The following ABTB3 variants were observed in gnomAD, a reference collection of about 807,000 sequenced individuals.
ABTB3 encodes the protein ankyrin repeat- and BTB/POZ domain-containing protein 3.
At chr12:107,637,517 G>T in the ABTB3 span, among the ~76,000 whole-genome samples, 1 of 152,134 alleles carries the variant, frequency 6.6e-6, no homozygotes, top group Admixed American at 6.5e-5. Flanking sequence ...TGATATAAAA[G>T]AAAAAGCATC....
At chr12:107,601,532 C>T in the ABTB3 span, among the ~76,000 whole-genome samples, 6 of 152,268 alleles carry the variant, frequency 3.9e-5, no homozygotes, top group Admixed American at 6.5e-5. Context: ...ATGAGGAATC[C>T]CTTTGGAAGC....
chr12:107,642,045 T>G, the ABTB3 span: 1 of 1,562,236 alleles, frequency 6.4e-7, no homozygotes, highest in Non-Finnish European at 8.8e-7. Flanking sequence ...GAGCCATGGA[T>G]TTGTGTGTGA....
the ABTB3 span, among the ~76,000 whole-genome samples, chr12:107,362,404 G>T: frequency 6.6e-6 from 1 of 152,206 alleles, no homozygotes; most frequent in Non-Finnish European, 1.5e-5. Context: ...CAGGGAAGAC[G>T]TAAGGGGCTA....
At chr12:107,543,719 T>C in the ABTB3 span, among the ~76,000 whole-genome samples, 23,624 of 151,898 alleles carry the variant, frequency 0.16, 2,205 homozygotes, top group Admixed American at 0.25. Flanking sequence ...TTAGCCGCCC[T>C]CTGTGCTTGA....
chr12:107,374,325 C>G, the ABTB3 span, among the ~76,000 whole-genome samples: 1 of 152,208 alleles, frequency 6.6e-6, no homozygotes, highest in South Asian at 2.1e-4. Context: ...CCCTAGTTGT[C>G]TAACCTACAT....
the ABTB3 span, among the ~76,000 whole-genome samples, chr12:107,579,306 A>C: frequency 1.3e-5 from 2 of 152,212 alleles, no homozygotes; most frequent in Non-Finnish European, 2.9e-5. Flanking sequence ...AACAGAGTGC[A>C]TGCTACGAAG....
the ABTB3 span, among the ~76,000 whole-genome samples, chr12:107,601,375 G>A: frequency 6.6e-6 from 1 of 152,234 alleles, no homozygotes; most frequent in Non-Finnish European, 1.5e-5. Context: ...TCCCAAGAGA[G>A]GATCCATTGA....
chr12:107,321,044 G>C, the ABTB3 span, among the ~76,000 whole-genome samples: 2 of 152,350 alleles, frequency 1.3e-5, no homozygotes, highest in Non-Finnish European at 1.5e-5. Context: ...GGTGCTGCCC[G>C]TCTGCGAAAG....
chr12:107,652,584 C>A, the ABTB3 span, among the ~76,000 whole-genome samples: 3 of 152,332 alleles, frequency 2.0e-5, no homozygotes, highest in African/African-American at 7.2e-5. Context: ...ATTAGAATCA[C>A]CTGGGGGAGC....
the ABTB3 span, among the ~76,000 whole-genome samples, chr12:107,648,896 G>A: frequency 2.5e-4 from 37 of 150,236 alleles, no homozygotes; most frequent in South Asian, 2.8e-3. Flanking sequence ...TGGAAAAGCC[G>A]TCATGAGGAG....
At chr12:107,640,393 G>A in the ABTB3 span, 3 of 1,586,676 alleles carry the variant, frequency 1.9e-6, no homozygotes, top group Admixed American at 3.4e-5. Context: ...ACAAAGTGCT[G>A]TTATTTACAG....
At chr12:107,319,561 C>A in the ABTB3 span, 1 of 1,544,148 alleles carries the variant, frequency 6.5e-7, no homozygotes, top group Non-Finnish European at 8.7e-7. Flanking sequence ...CGGCCCGCTG[C>A]GGCCTCACCT....
At chr12:107,581,174 C>T in the ABTB3 span, 1 of 1,536,080 alleles carries the variant, frequency 6.5e-7, no homozygotes, top group Non-Finnish European at 8.8e-7. Flanking sequence ...GCTGCCGCCG[C>T]TGATGGAGTG....
At chr12:107,444,764 G>A in the ABTB3 span, among the ~76,000 whole-genome samples, 3 of 152,172 alleles carry the variant, frequency 2.0e-5, no homozygotes, top group African/African-American at 7.2e-5. Flanking sequence ...TTGGATAAAA[G>A]GGAGATTTTA....
the ABTB3 span, among the ~76,000 whole-genome samples, chr12:107,334,240 G>A: frequency 1.2e-4 from 19 of 152,168 alleles, no homozygotes; most frequent in African/African-American, 3.6e-4. Flanking sequence ...GAACAAGAGT[G>A]CAGGCAGGGA....
chr12:107,585,108 C>G, the ABTB3 span, among the ~76,000 whole-genome samples: 2 of 152,090 alleles, frequency 1.3e-5, no homozygotes, highest in African/African-American at 4.8e-5. Context: ...AGAGTAAATA[C>G]TGTCATTTTC....
chr12:107,536,671 A>G, the ABTB3 span, among the ~76,000 whole-genome samples: 1 of 152,184 alleles, frequency 6.6e-6, no homozygotes, highest in Non-Finnish European at 1.5e-5. Flanking sequence ...GCAAATCAAA[A>G]CCACACTGAG....
chr12:107,626,016 G>A, the ABTB3 span, among the ~76,000 whole-genome samples: 7 of 152,126 alleles, frequency 4.6e-5, no homozygotes, highest in Admixed American at 3.3e-4. Context: ...CCTTTGGCTA[G>A]ATACAGCAGG....
At chr12:107,484,619 A>G in the ABTB3 span, among the ~76,000 whole-genome samples, 1 of 150,782 alleles carries the variant, frequency 6.6e-6, no homozygotes, top group South Asian at 2.1e-4. Flanking sequence ...TTTTAATAGA[A>G]TCACTCTGGT....
Sources: allele counts gnomAD v4.1 joint callset (sites outside exome capture counted in the v4.1 genomes callset), GRCh38; gene constraint gnomAD v4.1.1; transcripts MANE v1.5; gene names NCBI Gene and HGNC (gene_info 2026-07-23, HGNC 2026-07-21).